The following RGS6 variants were observed in gnomAD, a reference collection of about 807,000 sequenced individuals.
RGS6 encodes regulator of G-protein signaling 6.
In RGS6, 30 loss-of-function variants were observed where a neutral mutation model predicts 78.5. The observed-to-expected ratio is 0.38, with a 90% confidence interval of 0.29 to 0.52. The LOEUF is 0.52. Among genes scored for constraint, RGS6 ranks in the 20% least tolerant of loss-of-function variants. The pLI is 0.85. For synonymous variants in RGS6, 206 were observed against 206.0 expected (o/e 1.00, Z 0.00); for missense variants, 495 against 609.7 (o/e 0.81, Z 1.98).
Position 71,973,357 on chromosome 14 carries a change from G to GT in RGS6, c.84+8490dup, listed in dbSNP as rs200099597. 7.5e-3 allele frequency among the ~76,000 whole-genome samples: 1,093 copies of GT among 146,536 alleles called. 17 individuals are homozygous for GT. Among genetic ancestry groups the GT allele is most frequent in the African/African-American group, 0.026 (1,038 of 40,286 alleles). Reference sequence around the variant, plus strand: ...TTTTGGTCTTCAGCACTTAGGGCTTGTTTTTTTTCACTCTTTTTTTTTTTT... The same window carrying GT: ...TTTTGGTCTTCAGCACTTAGGGCTTGTTTTTTTTTCACTCTTTTTTTTTTTT... On this transcript the variant is annotated intron_variant, in intron 2 of 17. Coordinates refer to ENST00000553525, the MANE Select transcript of RGS6 (RefSeq NM_001204424.2).
At chr14:72,136,195 G>T (rs770551225) in intron 2 of RGS6, among the ~76,000 whole-genome samples, 5 of 152,122 alleles carry the variant, frequency 3.3e-5, no homozygotes, top group Non-Finnish European at 7.3e-5. Flanking sequence ...TGTTCTCTGG[G>T]TAGGTCTAAT....
chr14:72,180,251 A>G (rs1188178450), intron 2 of RGS6, among the ~76,000 whole-genome samples: 1 of 152,234 alleles, frequency 6.6e-6, no homozygotes, highest in African/African-American at 2.4e-5. Flanking sequence ...CTTCAGTAAC[A>G]GTTGTATTCC....
intron 2 of RGS6, among the ~76,000 whole-genome samples, chr14:72,228,328 T>C (rs35529091): frequency 0.12 from 17,590 of 151,522 alleles, 1,291 homozygotes; most frequent in East Asian, 0.35. Flanking sequence ...TTGCAGTGAG[T>C]CGAGATTGCA....
intron 3 of RGS6, among the ~76,000 whole-genome samples, chr14:72,400,598 A>G (rs1037855324): frequency 6.6e-6 from 1 of 152,248 alleles, no homozygotes; most frequent in Non-Finnish European, 1.5e-5. Context: ...ATAAATCACT[A>G]TTTTGACATT....
intron 2 of RGS6, among the ~76,000 whole-genome samples, chr14:72,289,963 T>C (rs2063286127): frequency 6.6e-6 from 1 of 152,148 alleles, no homozygotes; most frequent in South Asian, 2.1e-4. Flanking sequence ...TCAGATTGGA[T>C]TAGAAAAAAT....
At chr14:72,070,203 T>C (rs990224658) in intron 2 of RGS6, among the ~76,000 whole-genome samples, 13 of 152,184 alleles carry the variant, frequency 8.5e-5, no homozygotes, top group African/African-American at 3.1e-4. Flanking sequence ...AGTTGATTAA[T>C]TTTCCACTGT....
chr14:72,599,465 C>T, the RGS6 span, among the ~76,000 whole-genome samples: 1 of 115,414 alleles, frequency 8.7e-6, no homozygotes, highest in South Asian at 3.0e-4. Flanking sequence ...CTGGAGTGCA[C>T]TGGGGCAATC....
chr14:72,257,535 A>G (rs147334119), intron 2 of RGS6, among the ~76,000 whole-genome samples: 19 of 152,300 alleles, frequency 1.2e-4, no homozygotes, highest in African/African-American at 2.9e-4. Context: ...AAAATTCTCT[A>G]TTGGGTACAA....
intron 2 of RGS6, among the ~76,000 whole-genome samples, chr14:72,343,102 CT>C (rs1396249138): frequency 1.3e-5 from 2 of 152,212 alleles, no homozygotes. Flanking sequence ...TTTTCTATTG[CT>C]GCTATAACAA....
At chr14:72,530,983 C>T (rs2097175313) in intron 15 of RGS6, among the ~76,000 whole-genome samples, 2 of 57,208 alleles carry the variant, frequency 3.5e-5, no homozygotes, top group Non-Finnish European at 5.5e-5. Context: ...CAGTATGCAT[C>T]TGTAAAAATA....
chr14:72,084,186 C>T (rs1052961872), intron 2 of RGS6, among the ~76,000 whole-genome samples: 1 of 152,176 alleles, frequency 6.6e-6, no homozygotes, highest in Non-Finnish European at 1.5e-5. Flanking sequence ...CTCGGATCAT[C>T]AGGCATTAGA....
chr14:72,298,669 C>G (rs2065391817), intron 2 of RGS6, among the ~76,000 whole-genome samples: 2 of 151,970 alleles, frequency 1.3e-5, no homozygotes, highest in Non-Finnish European at 2.9e-5. Flanking sequence ...AGGATGGTCT[C>G]CATCTCCTGA....
intron 2 of RGS6, among the ~76,000 whole-genome samples, chr14:72,168,267 C>A (rs2096956918): frequency 6.6e-6 from 1 of 152,132 alleles, no homozygotes; most frequent in African/African-American, 2.4e-5. Flanking sequence ...ACGTAAACAC[C>A]CCTCAAACAG....
chr14:72,029,601 G>A (rs1044501540), intron 2 of RGS6, among the ~76,000 whole-genome samples: 10 of 152,200 alleles, frequency 6.6e-5, no homozygotes, highest in South Asian at 4.1e-4. Context: ...CCCAACTGTG[G>A]ATGGAGTGGG....
rs896783288 is a variant in RGS6 at position 72,107,394 on chromosome 14, A to G, written c.84+142519A>G. On this transcript the variant is annotated intron_variant, in intron 2 of 17. Transcript: ENST00000553525. The stretch of plus-strand genomic sequence containing the variant: ...TGATTCCTTTTGGTATAACTCTAGC[A>G]CTATTTGATTCCTTCCTTTTTTATT... 7.2e-4 allele frequency among the ~76,000 whole-genome samples: 110 copies of G among 152,136 alleles called. 1 individual carries two copies. Among genetic ancestry groups the G allele is most frequent in the Non-Finnish European group, 1.3e-3 (88 of 68,016 alleles).
chr14:72,004,602 G>A (rs2084147336), intron 2 of RGS6, among the ~76,000 whole-genome samples: 1 of 152,170 alleles, frequency 6.6e-6, no homozygotes, highest in Non-Finnish European at 1.5e-5. Context: ...GGGAGGCCAA[G>A]GTGGGTGGAT....
At chr14:72,527,966 T>A (rs1458905572) in intron 15 of RGS6, among the ~76,000 whole-genome samples, 1 of 152,210 alleles carries the variant, frequency 6.6e-6, no homozygotes, top group Non-Finnish European at 1.5e-5. Flanking sequence ...CGCTGTGCAA[T>A]GCTCCAGCTG....
chr14:72,051,557 G>T (rs1176120412), intron 2 of RGS6, among the ~76,000 whole-genome samples: 1 of 152,210 alleles, frequency 6.6e-6, no homozygotes, highest in African/African-American at 2.4e-5. Flanking sequence ...GTCTGCACCT[G>T]CAAAGGAAAC....
intron 3 of RGS6, among the ~76,000 whole-genome samples, chr14:72,416,663 CTG>C: frequency 6.6e-6 from 1 of 152,276 alleles, no homozygotes; most frequent in East Asian, 1.9e-4. Context: ...CTAATATAAC[CTG>C]TGTCAGTAGC....
Sources: gnomAD v4.1 joint callset for allele counts (sites outside exome capture counted in the v4.1 genomes callset) on GRCh38, gnomAD v4.1.1 for gene constraint, MANE v1.5 for transcripts, NCBI Gene and HGNC (gene_info 2026-07-23, HGNC 2026-07-21) for gene names.